The following NBEA variants were observed in gnomAD, a reference collection of about 807,000 sequenced individuals.
The protein encoded by NBEA is neurobeachin.
In NBEA, 44 loss-of-function variants were observed where a neutral mutation model predicts 343.4. The ratio of observed to expected loss-of-function variants is 0.13; its 90% CI spans 0.10 to 0.16. The LOEUF (loss-of-function observed/expected upper bound fraction) is 0.16. NBEA is among the 10% of genes least tolerant of loss of function. The pLI is 1.00. For missense variants in NBEA, 2,555 were observed against 3,631.3 expected (o/e 0.70, Z 7.62); for synonymous variants, 1,175 against 1,238.7 (o/e 0.95, Z 1.08).
intron 41 of NBEA, among the ~76,000 whole-genome samples, chr13:35,509,926 TA>T (rs1368228033): frequency 6.6e-6 from 1 of 152,194 alleles, no homozygotes; most frequent in Non-Finnish European, 1.5e-5. Context: ...TTTTTCAAGC[TA>T]AAAGGGGAGC....
At chr13:35,315,145 A>G (rs1473255412) in intron 36 of NBEA, among the ~76,000 whole-genome samples, 1 of 152,210 alleles carries the variant, frequency 6.6e-6, no homozygotes, top group African/African-American at 2.4e-5. Context: ...GGTTGTTAGA[A>G]TATCAGTCTT....
chr13:35,450,533 G>A (rs896253763), intron 39 of NBEA, among the ~76,000 whole-genome samples: 1 of 152,022 alleles, frequency 6.6e-6, no homozygotes, highest in Non-Finnish European at 1.5e-5. Context: ...AGGCAGTAAT[G>A]GACTGTTGGA....
intron 38 of NBEA, among the ~76,000 whole-genome samples, chr13:35,409,260 C>T (rs995838432): frequency 6.6e-6 from 1 of 152,048 alleles, no homozygotes; most frequent in Non-Finnish European, 1.5e-5. Context: ...TGAAACACCA[C>T]GTGTTCTCAC....
intron 5 of NBEA, among the ~76,000 whole-genome samples, chr13:35,049,607 A>G (rs1450885411): frequency 6.6e-6 from 1 of 151,860 alleles, no homozygotes; most frequent in Non-Finnish European, 1.5e-5. Context: ...ACTTCCAAAC[A>G]TAAATGGGGT....
At chr13:35,584,189 A>AT (rs541750563) in intron 46 of NBEA, among the ~76,000 whole-genome samples, 151 bp downstream of exon 46, 5 of 152,156 alleles carry the variant, frequency 3.3e-5, no homozygotes, top group South Asian at 4.2e-4. Context: ...CAAAATATGA[A>AT]TTTTTTTTAT....
intron 51 of NBEA, 59 bp downstream of exon 51, chr13:35,646,407 C>G (rs1593459681): frequency 8.2e-7 from 1 of 1,225,394 alleles, no homozygotes; most frequent in Non-Finnish European, 1.2e-6. Flanking sequence ...GGGAATAGAG[C>G]AAATAAAATT....
chr13:35,027,426 G>A (rs933819807), intron 1 of NBEA, among the ~76,000 whole-genome samples: 3 of 150,294 alleles, frequency 2.0e-5, no homozygotes, highest in Admixed American at 6.6e-5. Context: ...TGTTACTACT[G>A]TTTTCTGTTT....
At chr13:35,362,894 A>G (rs540837409) in intron 38 of NBEA, among the ~76,000 whole-genome samples, 2 of 152,042 alleles carry the variant, frequency 1.3e-5, no homozygotes, top group Non-Finnish European at 2.9e-5. Context: ...TTAAAGTGAC[A>G]TAAGGTAAGC....
At chr13:35,512,787 AT>A (rs2077327905) in intron 41 of NBEA, among the ~76,000 whole-genome samples, 1 of 152,166 alleles carries the variant, frequency 6.6e-6, no homozygotes, top group Non-Finnish European at 1.5e-5. Context: ...AAACCTCTGG[AT>A]TAGCTGTCGT....
At chr13:35,139,527 C>G (rs1427729711) in intron 17 of NBEA, among the ~76,000 whole-genome samples, 1 of 151,980 alleles carries the variant, frequency 6.6e-6, no homozygotes, top group Non-Finnish European at 1.5e-5. Flanking sequence ...GGCAGAAATC[C>G]TGTCAAACTC....
In NBEA at chr13:35,159,772, A is replaced by T; in HGVS notation, c.3601A>T (p.Ser1201Cys). 1 of 1,612,946 alleles carries T rather than the reference A, an allele frequency of 6.2e-7. No individual in the cohort carries two copies. The part of the protein sequence containing the change: ...TGSVDLTCTS[S>C]IIEEKEFKIH... ...TAGCGTAGACTTAACTTGTACATCC[A>T]GTATAATAGAAGAAAAAGAATTCAA... is the stretch of plus-strand genomic sequence containing the variant. Residue 1201 changes from serine (S) to cysteine (C), a missense_variant, in exon 22 of 59, where the codon AGT becomes TGT. Ser to Cys is a moderately radical substitution (Grantham distance 112). Transcript: ENST00000379939.
At chr13:35,271,880 T>C (rs1385501083) in intron 34 of NBEA, among the ~76,000 whole-genome samples, 1 of 152,202 alleles carries the variant, frequency 6.6e-6, no homozygotes, top group African/African-American at 2.4e-5. Flanking sequence ...CTACGCTTGA[T>C]TGGTGTATGT....
intron 38 of NBEA, among the ~76,000 whole-genome samples, chr13:35,404,019 A>G (rs1413135187): frequency 1.4e-5 from 1 of 71,996 alleles, no homozygotes; most frequent in Non-Finnish European, 4.3e-5. Context: ...ATCACTGGCC[A>G]TCAGAGAAAT....
At chr13:35,598,145 A>G (rs2798337) in intron 47 of NBEA, among the ~76,000 whole-genome samples, 90,554 of 152,090 alleles carry the variant, frequency 0.6, 27,767 homozygotes, top group Admixed American at 0.71. Flanking sequence ...CTGGGAGCTA[A>G]AAAGACAAAT....
intron 48 of NBEA, among the ~76,000 whole-genome samples, chr13:35,614,800 T>G (rs1413716562): frequency 6.6e-6 from 1 of 152,214 alleles, no homozygotes; most frequent in African/African-American, 2.4e-5. Flanking sequence ...TTTCTCCTCT[T>G]TCCTCATTCC....
chr13:35,172,926 T>A (rs1159445008), intron 26 of NBEA, among the ~76,000 whole-genome samples: 1 of 152,060 alleles, frequency 6.6e-6, no homozygotes, highest in Non-Finnish European at 1.5e-5. Flanking sequence ...CATGTACATA[T>A]TGAATGCTTA....
intron 47 of NBEA, among the ~76,000 whole-genome samples, chr13:35,596,714 A>G (rs1479118882): frequency 1.3e-5 from 2 of 152,232 alleles, no homozygotes; most frequent in South Asian, 2.1e-4. Context: ...ATTTTCCTTA[A>G]TGCCTTCAAA....
chr13:35,643,210 C>T (rs1157314295), intron 49 of NBEA, among the ~76,000 whole-genome samples: 1 of 151,914 alleles, frequency 6.6e-6, no homozygotes, highest in East Asian at 1.9e-4. Context: ...TGAGCTCTGT[C>T]CTTTTTCCAA....
At chr13:35,401,153 G>A (rs931569474) in intron 38 of NBEA, among the ~76,000 whole-genome samples, 3 of 151,808 alleles carry the variant, frequency 2.0e-5, no homozygotes, top group Non-Finnish European at 2.9e-5. Context: ...AATATTTATT[G>A]TATTAACTCC....
Sources: gnomAD v4.1 joint callset for allele counts (sites outside exome capture counted in the v4.1 genomes callset) on GRCh38, gnomAD v4.1.1 for gene constraint, MANE v1.5 for transcripts, NCBI Gene and HGNC (gene_info 2026-07-23, HGNC 2026-07-21) for gene names.